The following TMEM176B variants were observed in gnomAD, a reference collection of about 807,000 sequenced individuals.
TMEM176B encodes the protein transmembrane protein 176B.
A neutral mutation model predicts 30.3 loss-of-function variants in TMEM176B; 28 were observed. That is an observed-to-expected ratio of 0.92 (90% CI 0.68 to 1.27). TMEM176B has a LOEUF of 1.27. Among genes scored for constraint, TMEM176B ranks in the 50% most tolerant of loss-of-function variants. The probability of loss-of-function intolerance (pLI) is 0.00; values close to 1 mark genes in which losing one functional copy is unlikely to be tolerated. For missense variants in TMEM176B, 349 were observed against 327.4 expected, an observed-to-expected ratio of 1.07 and a Z score of -0.51; for synonymous variants, 123 against 130.3, an observed-to-expected ratio of 0.94 and a Z score of 0.38.
intron 2 of TMEM176B, among the ~76,000 whole-genome samples, chr7:150,795,792 G>T (rs965041921): frequency 6.6e-6 from 1 of 152,184 alleles, no homozygotes. Context: ...TACACAGAAT[G>T]AGATATAAAT....
At chr7:150,799,800 C>A (rs891893259) in intron 1 of TMEM176B, among the ~76,000 whole-genome samples, 2 of 152,224 alleles carry the variant, frequency 1.3e-5, no homozygotes, top group African/African-American at 4.8e-5. Context: ...CCCCGCCCCA[C>A]GCCAACCCCT....
At chr7:150,800,949 G>C, upstream of TMEM176B, 33 of 985,872 alleles carry the variant, frequency 3.3e-5, no homozygotes, top group Non-Finnish European at 3.7e-5. Flanking sequence ...CTCCAGGAAG[G>C]GGACTGCAGA....
chr7:150,794,430 C>A (rs1798440558), intron 2 of TMEM176B, among the ~76,000 whole-genome samples: 1 of 151,992 alleles, frequency 6.6e-6, no homozygotes, highest in Admixed American at 6.6e-5. Context: ...CCTATCCTTT[C>A]TCTTCAGATC....
In TMEM176B at chr7:150,795,651, C is replaced by T. The variant is rs180884741; in HGVS notation, c.204+715G>A. On this transcript the variant is annotated intron_variant, in intron 2 of 6. Transcript: ENST00000326442. ...TTCAGTCCATGTGGGGTCAATAAAA[C>T]CGAATTAACAGCCTCTAGACTGTTC... Among the ~76,000 whole-genome samples the T allele has an allele frequency of 3.2e-3, 491 of 152,310 alleles. 1 individual carries two copies. Among genetic ancestry groups the T allele is most frequent in the African/African-American group, 0.011 (464 of 41,566 alleles).
intron 1 of TMEM176B, among the ~76,000 whole-genome samples, chr7:150,798,267 AT>A (rs963001235): frequency 1.8e-4 from 28 of 151,772 alleles, no homozygotes; most frequent in South Asian, 6.2e-4. Context: ...CTTTTATTTC[AT>A]TTTTTTATTA....
rs1160731873 is a variant in TMEM176B, at chr7:150,793,214, T to C, written c.474A>G (p.Leu158=). ...NSFIWQTEPF[L]YIDTVCDRSD... ...AGCGATCACACACAGTGTCGATGTA[T>C]AAAAAGGGTTCAGTTTGCCAGATGA... Residue 158 remains leucine, a synonymous_variant, in exon 5 of 7, where the codon TTA becomes TTG. Coordinates refer to ENST00000326442, the MANE Select transcript of TMEM176B (RefSeq NM_001101312.2). 1 of 1,614,138 alleles carries C rather than the reference T, an allele frequency of 6.2e-7. No homozygotes were observed. The highest frequency in any genetic ancestry group is 8.5e-7 in the Non-Finnish European group (1 of 1,180,034).
intron 3 of TMEM176B, 102 bp downstream of exon 3, chr7:150,793,859 A>G (rs533043902): frequency 9.0e-7 from 1 of 1,107,572 alleles, no homozygotes; most frequent in East Asian, 2.4e-5. Flanking sequence ...TTGGCTCCAG[A>G]GACTTTGGTC....
chr7:150,801,001 C>G (rs1226166285), upstream of TMEM176B: 1 of 985,774 alleles, frequency 1.0e-6, no homozygotes, highest in Non-Finnish European at 1.2e-6. Context: ...ACCTCCGCAC[C>G]GCAGCGCGGT....
At chr7:150,792,200 T>G in intron 5 of TMEM176B, 25 bp from the exon 6 acceptor site, 1 of 1,610,560 alleles carries the variant, frequency 6.2e-7, no homozygotes, top group Non-Finnish European at 8.5e-7. Flanking sequence ...AGAACAAAGA[T>G]AGTCAGGTGT....
At chr7:150,794,907 C>CA (rs1798462577) in intron 2 of TMEM176B, among the ~76,000 whole-genome samples, 3 of 141,594 alleles carry the variant, frequency 2.1e-5, no homozygotes, top group African/African-American at 2.7e-5. Context: ...TCCCCTACTA[C>CA]CACACACACA....
chr7:150,792,138 A>C lies in TMEM176B; in HGVS notation c.638T>G (p.Val213Gly), dbSNP rs191629985. The C allele has an allele frequency of 4.3e-6, 7 of 1,613,872 alleles. No individual in the cohort carries two copies. The highest frequency in any genetic ancestry group is 2.7e-5 in the African/African-American group (2 of 74,910). ...GGACACAATGACCTTCAAGACACAGACAGCCAGGAACAGGGCACGGATTGC... is the reference window on the plus strand; with the variant it reads ...GGACACAATGACCTTCAAGACACAGCCAGCCAGGAACAGGGCACGGATTGC... ...FTAIRALFLA[V>G]CVLKVIVSLV... Residue 213 changes from valine (V) to glycine (G), a missense_variant, in exon 6 of 7, where the codon GTC becomes GGC. Val to Gly is a moderately radical substitution (Grantham distance 109, BLOSUM62 -3). Coordinates refer to ENST00000326442, the MANE Select transcript of TMEM176B (RefSeq NM_001101312.2).
chr7:150,794,373 A>G (rs541678146), intron 2 of TMEM176B, among the ~76,000 whole-genome samples: 2 of 150,794 alleles, frequency 1.3e-5, no homozygotes, highest in East Asian at 4.0e-4. Context: ...TCTCCTTCAG[A>G]GGTCCCATTG....
At chr7:150,801,154 G>T (rs905430805), upstream of TMEM176B, 3 of 234,870 alleles carry the variant, frequency 1.3e-5, no homozygotes, top group Non-Finnish European at 1.4e-5. Flanking sequence ...GGCAGCCAAG[G>T]ACTCGGTCCT....
At chr7:150,796,340 C>G in intron 2 of TMEM176B, 26 bp downstream of exon 2, 3 of 1,609,792 alleles carry the variant, frequency 1.9e-6, no homozygotes, top group Non-Finnish European at 2.6e-6. Flanking sequence ...AACGTGCCCC[C>G]CAACCCCGCA....
chr7:150,793,846 C>G (rs1458117234), intron 3 of TMEM176B, 115 bp downstream of exon 3: 1 of 1,006,350 alleles, frequency 9.9e-7, no homozygotes, highest in Non-Finnish European at 1.5e-6. Flanking sequence ...GGCCAAAGGC[C>G]ATTTGGCTCC....
intron 3 of TMEM176B, 58 bp from the exon 4 acceptor site, chr7:150,793,658 C>T: frequency 6.4e-7 from 1 of 1,567,856 alleles, no homozygotes; most frequent in Non-Finnish European, 8.7e-7. Context: ...GGTCTATCAT[C>T]ACCCTCCCAC....
chr7:150,793,839 C>G, intron 3 of TMEM176B, 122 bp downstream of exon 3: 4 of 980,864 alleles, frequency 4.1e-6, no homozygotes, highest in Non-Finnish European at 6.2e-6. Context: ...TCCTCATGGC[C>G]AAAGGCCATT....
At chr7:150,800,008 A>C (rs1798705849) in intron 1 of TMEM176B, 1 of 152,222 alleles carries the variant, frequency 6.6e-6, no homozygotes, top group Non-Finnish European at 1.5e-5. Context: ...GCCCCGTCCC[A>C]GGAGCCACCC....
Position 150,793,612 on chromosome 7 carries a change from C to T in TMEM176B, c.316-12G>A. ...CCTGCTGCGATCACCTGAAAAGAGA[C>T]ACCAGAAAAAGGCCTCCAGTTTACT... On this transcript the variant is annotated splice_polypyrimidine_tract_variant and intron_variant, in intron 3 of 6. Transcript: ENST00000326442. 1 of 1,612,780 alleles carries T rather than the reference C, an allele frequency of 6.2e-7. No homozygotes were observed. Among genetic ancestry groups the T allele is most frequent in the Non-Finnish European group, 8.5e-7 (1 of 1,179,368 alleles).
Sources: gnomAD v4.1 joint callset for allele counts (sites outside exome capture counted in the v4.1 genomes callset) on GRCh38, gnomAD v4.1.1 for gene constraint, MANE v1.5 for transcripts, NCBI Gene and HGNC (gene_info 2026-07-23, HGNC 2026-07-21) for gene names.